Variants in FUS observed in about 807,000 individuals in gnomAD.
The protein encoded by FUS is RNA-binding protein FUS.
A neutral mutation model predicts 82.7 loss-of-function variants in FUS; 5 were observed. The observed-to-expected ratio is 0.06, with a 90% CI of 0.03 to 0.13. FUS has a LOEUF of 0.13. Among genes scored for constraint, FUS ranks in the 10% least tolerant of loss-of-function variants. The pLI, the probability that FUS is intolerant of heterozygous loss-of-function variation, is 1.00. For synonymous variants in FUS, 281 were observed against 247.4 expected, an observed-to-expected ratio of 1.14 and a Z score of -1.27; for missense variants, 512 against 707.8, an observed-to-expected ratio of 0.72 and a Z score of 3.14.
chr16:31,192,921 T>G, downstream of FUS: 1 of 485,052 alleles, frequency 2.1e-6, no homozygotes, highest in Non-Finnish European at 4.1e-6. Flanking sequence ...TACTGAAGAG[T>G]TGCTGCATCC....
intron 7 of FUS, chr16:31,187,747 T>C (rs1383543257): frequency 8.5e-6 from 2 of 235,302 alleles, no homozygotes; most frequent in East Asian, 1.2e-4. Flanking sequence ...AAATAAGATT[T>C]CTGGTCTGTT....
chr16:31,194,486 TG>T, downstream of FUS: 1 of 500,118 alleles, frequency 2.0e-6, no homozygotes, highest in East Asian at 4.5e-5. Flanking sequence ...TTTGTGGAGA[TG>T]GGGTCTTGCC....
Position 31,184,294 on chromosome 16 carries a change from C to G in FUS, c.421C>G (p.Gln141Glu). 1 of 1,613,856 alleles carries G rather than the reference C, an allele frequency of 6.2e-7. No individual in the cohort carries two copies. Among genetic ancestry groups the G allele is most frequent in the Non-Finnish European group, 8.5e-7 (1 of 1,179,862 alleles). Residue 141 changes from glutamine to glutamate, a missense_variant, in exon 5 of 15, where the codon CAA becomes GAA. Physicochemically the swap from Gln to Glu is conservative, Grantham distance 29. Transcript: ENST00000254108. ...SQQPSYGGQQ[Q>E]SYGQQQSYNP... ...GCAGCCTAGCTATGGTGGACAGCAGCAAAGCTATGGACAGCAGCAAAGCTA... is the reference window on the plus strand; with the variant it reads ...GCAGCCTAGCTATGGTGGACAGCAGGAAAGCTATGGACAGCAGCAAAGCTA...
At chr16:31,181,391 T>C (rs2079175629) in intron 1 of FUS, among the ~76,000 whole-genome samples, 1 of 152,150 alleles carries the variant, frequency 6.6e-6, no homozygotes. Flanking sequence ...TTTTGTTGCT[T>C]TTTGTTCGCT....
chr16:31,183,367 CTTA>C, intron 3 of FUS: 1 of 163,412 alleles, frequency 6.1e-6, no homozygotes, highest in Non-Finnish European at 1.4e-5. Context: ...TTTGACTCTT[CTTA>C]TTTTCCATCA....
Position 31,185,002 on chromosome 16 carries a change from A to G in FUS, c.587A>G (p.Asn196Ser), listed in dbSNP as rs755591829. The stretch of plus-strand genomic sequence containing the variant: ...GGTGGCAGTGGTGGCGGTTATGGCA[A>G]TCAAGACCAGAGTGGTGGAGGTGGC... ...SGGGSGGGYG[N>S]QDQSGGGGSG... Residue 196 changes from asparagine to serine, a missense_variant, in exon 6 of 15, where the codon AAT becomes AGT. This residue lies in a region of FUS where 276 missense variants were observed against 303.3 expected (regional missense o/e 0.91). Coordinates refer to ENST00000254108, the MANE Select transcript of FUS (RefSeq NM_004960.4). 13 of 1,613,414 alleles carry G rather than the reference A, an allele frequency of 8.1e-6. No individual in the cohort carries two copies. Among genetic ancestry groups the G allele is most frequent in the Middle Eastern group, 1.7e-4 (1 of 6,060 alleles).
chr16:31,186,497 A>G, intron 6 of FUS: 1 of 483,664 alleles, frequency 2.1e-6, no homozygotes, highest in Admixed American at 3.4e-5. Context: ...CAAGAGGAAA[A>G]AAAAACATCT....
intron 6 of FUS, 191 bp from the exon 7 acceptor site, chr16:31,186,611 A>G (rs2079274101): frequency 4.8e-6 from 3 of 630,954 alleles, no homozygotes; most frequent in Non-Finnish European, 8.6e-6. Context: ...TGTCTGAGAA[A>G]TTGCACACGT....
chr16:31,180,156 T>TA lies in FUS; in HGVS notation c.-59_-58insA, dbSNP rs1567467201. 1.3e-6 allele frequency: 2 copies of TA among 1,595,246 alleles called. No homozygotes were observed. On this transcript the variant is annotated 5_prime_UTR_variant, in exon 1 of 15. Coordinates refer to ENST00000254108, the MANE Select transcript of FUS (RefSeq NM_004960.4). ...GCGGGGCTGCTCAGTCCTCCAGGCG[T>TA]CGGTACTCAGCGGTGTTGGAACTTC...
intron 1 of FUS, among the ~76,000 whole-genome samples, chr16:31,181,826 A>ATG (rs1411020019): frequency 6.6e-6 from 1 of 152,162 alleles, no homozygotes. Context: ...AAAATTGTGG[A>ATG]TGTCCACCAA....
intron 1 of FUS, among the ~76,000 whole-genome samples, chr16:31,181,243 G>A (rs1390457943): frequency 1.3e-5 from 2 of 152,164 alleles, no homozygotes; most frequent in Admixed American, 1.3e-4. Context: ...AGATAGGGAC[G>A]GAGAAGAACG....
chr16:31,192,492 G>C, downstream of FUS: 1 of 516,266 alleles, frequency 1.9e-6, no homozygotes, highest in East Asian at 4.2e-5. Flanking sequence ...TTGTAAGACA[G>C]CTGCCATCAC....
chr16:31,183,779 A>G (rs1426063223), intron 3 of FUS, 79 bp from the exon 4 acceptor site: 4 of 1,547,578 alleles, frequency 2.6e-6, no homozygotes, highest in Non-Finnish European at 3.6e-6. Flanking sequence ...GAGTATAGGT[A>G]TTATGTTTTC....
chr16:31,181,565 C>G (rs976756769), intron 1 of FUS, among the ~76,000 whole-genome samples: 17 of 152,314 alleles, frequency 1.1e-4, no homozygotes, highest in Middle Eastern at 6.8e-3. Flanking sequence ...AAAAAGCCCA[C>G]TTCATCTCCG....
chr16:31,182,888 G>A (rs768858859), intron 3 of FUS: 5 of 537,824 alleles, frequency 9.3e-6, no homozygotes, highest in Non-Finnish European at 1.7e-5. Context: ...GGCTAATTTT[G>A]TGTTTTTAGT....
At position 31,190,260 on chromosome 16, in the gene FUS, G is replaced by A; in HGVS notation, c.1169-15G>A. 1 of 1,614,124 alleles carries A rather than the reference G, an allele frequency of 6.2e-7. No individual in the cohort carries two copies. The highest frequency in any genetic ancestry group is 1.1e-5 in the South Asian group (1 of 91,078). ...TGGAGAGGGAGCAGACCCATACTTG[G>A]TCTATCTGCATTAGGACCCATGGGC... On this transcript the variant is annotated splice_polypyrimidine_tract_variant and intron_variant, in intron 11 of 14. Transcript: ENST00000254108.
rs201533156 is a variant in FUS at position 31,190,797 on chromosome 16, C to T, written c.1348C>T (p.Pro450Ser). ...GAATGAATGCAACCAGTGTAAGGCC[C>T]CTAAACCAGATGGCCCAGGAGGGGG... ...WRNECNQCKAPKPDGPGGGPG... is the reference protein window; with the variant it reads ...WRNECNQCKASKPDGPGGGPG... The change falls in exon 13 of 15, where the codon CCT becomes TCT. Residue 450 changes from proline to serine, a missense_variant. By Grantham distance (74) the Pro-to-Ser change is moderately conservative (BLOSUM62 -1). Transcript: ENST00000254108. 6.8e-5 allele frequency: 110 copies of T among 1,614,072 alleles called. No homozygotes were observed. The highest frequency in any genetic ancestry group is 5.7e-4 in the South Asian group (52 of 91,086).
intron 10 of FUS, 29 bp downstream of exon 10, chr16:31,189,823 G>C: frequency 6.2e-7 from 1 of 1,613,726 alleles, no homozygotes; most frequent in Non-Finnish European, 8.5e-7. Flanking sequence ...GCAGAGGTGG[G>C]GCTGGGGATA....
At chr16:31,190,196 G>A (rs1286207692) in intron 11 of FUS, 55 bp downstream of exon 11, 1 of 1,613,716 alleles carries the variant, frequency 6.2e-7, no homozygotes, top group African/African-American at 1.3e-5. Context: ...TGCAGAAGAT[G>A]GTAAAGGCTT....
Sources: allele counts gnomAD v4.1 joint callset (sites outside exome capture counted in the v4.1 genomes callset), GRCh38; gene constraint gnomAD v4.1.1; regional missense constraint gnomAD v4.1.1; transcripts MANE v1.5; gene names NCBI Gene and HGNC (gene_info 2026-07-23, HGNC 2026-07-21).